ERC2: variants seen among roughly 807,000 people sequenced by gnomAD.
The protein encoded by ERC2 is ERC protein 2.
In ERC2, 42 loss-of-function variants were observed where a neutral mutation model predicts 114.8. The observed-to-expected ratio is 0.37, with a 90% CI of 0.29 to 0.47. The LOEUF (loss-of-function observed/expected upper bound fraction) is 0.47, where lower values mean the gene tolerates loss of function less well. Among genes scored for constraint, ERC2 ranks in the 20% least tolerant of loss-of-function variants. The pLI, the probability that ERC2 is intolerant of heterozygous loss-of-function variation, is 0.99. For missense variants in ERC2, 939 were observed against 1,150.7 expected (o/e 0.82, Z 2.66); for synonymous variants, 454 against 425.5 (o/e 1.07, Z -0.82).
At chr3:55,733,907 AACCAT>A (rs1253888092) in intron 15 of ERC2, among the ~76,000 whole-genome samples, 1 of 152,212 alleles carries the variant, frequency 6.6e-6, no homozygotes, top group African/African-American at 2.4e-5. Context: ...CAAGGCCATA[AACCAT>A]TGAGCTGACT....
chr3:56,108,221 T>G (rs1169614232), intron 6 of ERC2, among the ~76,000 whole-genome samples: 5 of 152,098 alleles, frequency 3.3e-5, no homozygotes, highest in Non-Finnish European at 5.9e-5. Context: ...TAAAGGGAAA[T>G]GGAAGCTCTC....
chr3:55,848,610 G>C (rs115054575), intron 14 of ERC2, among the ~76,000 whole-genome samples: 1 of 152,036 alleles, frequency 6.6e-6, no homozygotes, highest in South Asian at 2.1e-4. Flanking sequence ...TGCTTGCTCC[G>C]AGGATGACTC....
chr3:56,464,312 C>T (rs1464922432), intron 1 of ERC2, among the ~76,000 whole-genome samples: 4 of 152,208 alleles, frequency 2.6e-5, no homozygotes, highest in African/African-American at 9.6e-5. Context: ...CTCTTGGCTC[C>T]AGTGATCTGC....
rs1169751163 is a variant in ERC2, at chr3:56,149,095, T to A, written c.1187A>T (p.Asp396Val). The stretch of plus-strand genomic sequence containing the variant: ...TAACATCTGGATCTCATCCTCAAGA[T>A]CCCTTATGTTTCGTTCCAATGAAGC... ...KIASLERNIR[D>V]LEDEIQMLKA... Residue 396 changes from aspartate to valine, a missense_variant, in exon 5 of 18, where the codon GAT (aspartate) becomes GTT (valine). Physicochemically the swap from Asp to Val is radical, Grantham distance 152. Transcript: ENST00000288221. 1 of 1,612,710 alleles carries A rather than the reference T, an allele frequency of 6.2e-7. No individual in the cohort carries two copies. The highest frequency in any genetic ancestry group is 2.2e-5 in the East Asian group (1 of 44,806).
intron 1 of ERC2, among the ~76,000 whole-genome samples, chr3:56,444,796 G>A (rs2062485499): frequency 6.6e-6 from 1 of 152,180 alleles, no homozygotes; most frequent in African/African-American, 2.4e-5. Context: ...CAGACCGTGT[G>A]AGCTGAGATC....
chr3:56,150,643 T>C (rs932100836), intron 4 of ERC2, among the ~76,000 whole-genome samples: 6 of 152,192 alleles, frequency 3.9e-5, no homozygotes, highest in African/African-American at 1.4e-4. Flanking sequence ...TTTGAATTCA[T>C]AGAAAATGGA....
intron 1 of ERC2, among the ~76,000 whole-genome samples, chr3:56,467,365 A>G (rs1358555507): frequency 6.6e-6 from 1 of 152,208 alleles, no homozygotes. Flanking sequence ...AAAGGCAGGT[A>G]GCCGCCTAAA....
chr3:56,450,991 G>A (rs1001689831), intron 1 of ERC2, among the ~76,000 whole-genome samples: 19 of 152,026 alleles, frequency 1.2e-4, no homozygotes, highest in African/African-American at 4.1e-4. Context: ...CTCATAAATA[G>A]AACAAATTAA....
At position 55,954,861 on chromosome 3, in the gene ERC2, A is replaced by T. The variant is rs1175759533; in HGVS notation, c.2268-4301T>A. On this transcript the variant is annotated intron_variant, in intron 12 of 17. Coordinates refer to ENST00000288221, the MANE Select transcript of ERC2 (RefSeq NM_015576.3). ...ACATGTGCACAAATATATATATATA[A>T]ATAATATATAAACATTTCCATTACA... is the stretch of plus-strand genomic sequence containing the variant. Among the ~76,000 whole-genome samples the T allele has an allele frequency of 2.6e-5, 4 of 151,926 alleles. No individual in the cohort carries two copies. The South Asian group carries it at 8.3e-4, about 31-fold the overall frequency.
intron 14 of ERC2, among the ~76,000 whole-genome samples, chr3:55,735,893 T>TC (rs2065601096): frequency 1.3e-5 from 2 of 152,184 alleles, no homozygotes; most frequent in Non-Finnish European, 2.9e-5. Context: ...GCCTTCCTTA[T>TC]TTCAGTAATT....
At chr3:55,991,796 G>A (rs995435922) in intron 11 of ERC2, among the ~76,000 whole-genome samples, 2 of 152,164 alleles carry the variant, frequency 1.3e-5, no homozygotes, top group African/African-American at 2.4e-5. Flanking sequence ...CTGGAAAAAC[G>A]CTAGATCATG....
chr3:55,886,747 A>G (rs2063364970), intron 14 of ERC2, among the ~76,000 whole-genome samples: 1 of 152,250 alleles, frequency 6.6e-6, no homozygotes, highest in South Asian at 2.1e-4. Flanking sequence ...TTTAAACAAC[A>G]GTAAATATTG....
intron 17 of ERC2, among the ~76,000 whole-genome samples, chr3:55,578,114 G>A (rs938299208): frequency 5.9e-5 from 9 of 152,206 alleles, no homozygotes; most frequent in African/African-American, 1.9e-4. Context: ...ATCCTCATCT[G>A]AGTTCCCAGC....
chr3:56,450,107 G>A (rs2062762785), intron 1 of ERC2, among the ~76,000 whole-genome samples: 1 of 152,136 alleles, frequency 6.6e-6, no homozygotes, highest in Non-Finnish European at 1.5e-5. Flanking sequence ...ATCAGTAAGG[G>A]GAAAGTCCAG....
intron 17 of ERC2, among the ~76,000 whole-genome samples, chr3:55,520,430 T>G (rs2052839862): frequency 1.5e-5 from 1 of 67,150 alleles, no homozygotes. Context: ...TGAGACTCTG[T>G]CTCAAAAAAA....
chr3:56,347,031 G>A (rs760356382), intron 2 of ERC2, among the ~76,000 whole-genome samples: 4 of 152,184 alleles, frequency 2.6e-5, no homozygotes, highest in Non-Finnish European at 5.9e-5. Context: ...GAATTTTGGA[G>A]GGGCACATTC....
intron 11 of ERC2, among the ~76,000 whole-genome samples, chr3:55,988,061 G>A (rs1452341645): frequency 6.6e-6 from 1 of 152,160 alleles, no homozygotes; most frequent in Non-Finnish European, 1.5e-5. Flanking sequence ...GGTCTTACTT[G>A]ACAGATTCTA....
chr3:55,783,123 C>T (rs566559397), intron 14 of ERC2, among the ~76,000 whole-genome samples: 11 of 152,276 alleles, frequency 7.2e-5, no homozygotes, highest in African/African-American at 2.6e-4. Context: ...TCACCAAATG[C>T]TCCCTGGAAG....
At chr3:56,370,943 T>C (rs1286749431) in intron 2 of ERC2, among the ~76,000 whole-genome samples, 1 of 152,208 alleles carries the variant, frequency 6.6e-6, no homozygotes, top group East Asian at 1.9e-4. Flanking sequence ...ATTGTTCTCA[T>C]TTTTGCCACA....
Sources: gnomAD v4.1 joint callset for allele counts (sites outside exome capture counted in the v4.1 genomes callset) on GRCh38, gnomAD v4.1.1 for gene constraint, MANE v1.5 for transcripts, NCBI Gene and HGNC (gene_info 2026-07-23, HGNC 2026-07-21) for gene names.